Variants in SPTAN1 observed in about 807,000 individuals in gnomAD.
The protein encoded by SPTAN1 is spectrin alpha, non-erythrocytic 1.
A neutral mutation model predicts 331.3 loss-of-function variants in SPTAN1; 61 were observed. The ratio of observed to expected loss-of-function variants is 0.18; its 90% CI spans 0.15 to 0.23. SPTAN1 has a LOEUF of 0.23. Among genes scored for constraint, SPTAN1 ranks in the 10% least tolerant of loss-of-function variants. SPTAN1 has a pLI of 1.00. For synonymous variants in SPTAN1, 1,153 were observed against 1,173.9 expected, an observed-to-expected ratio of 0.98 and a Z score of 0.36; for missense variants, 2,043 against 3,147.9, an observed-to-expected ratio of 0.65 and a Z score of 8.40.
intron 3 of SPTAN1, among the ~76,000 whole-genome samples, chr9:128,569,478 G>A (rs1324050779): frequency 6.6e-6 from 1 of 151,460 alleles, no homozygotes; most frequent in Non-Finnish European, 1.5e-5. Flanking sequence ...TTGGAGCTGA[G>A]GTAGTAATTG....
At position 128,627,772 on chromosome 9, in the gene SPTAN1, C is replaced by CTTGGTGACAGACGATGCAGGGT. The variant is rs1858991280; in HGVS notation, c.6690-152_6690-131dup. ...GGCGCGTGGTCAGCCCCAGCCATGA[C>CTTGGTGACAGACGATGCAGGGT]TTGGTGACAGACGATGCAGGGTCTG... On this transcript the variant is annotated intron_variant, in intron 50 of 56. Coordinates refer to ENST00000372739, the MANE Select transcript of SPTAN1 (RefSeq NM_001130438.3). This position sits in a 1 kb window ranked among gnomAD's most constrained non-coding sequence, Gnocchi z 4.9. 1.1e-5 allele frequency: 11 copies of CTTGGTGACAGACGATGCAGGGT among 1,039,518 alleles called. No individual in the cohort carries two copies. The South Asian group carries it at 1.4e-4, about 13-fold the overall frequency. 64.4% of individuals were successfully genotyped at this position (1,039,518 alleles called of 1,614,324 possible). A position where few individuals can be genotyped will look rare whatever the true frequency, so the allele number is the denominator to read the frequency against.
At chr9:128,613,313 C>A in intron 39 of SPTAN1, 68 bp from the exon 40 acceptor site, 1 of 1,376,432 alleles carries the variant, frequency 7.3e-7, no homozygotes, top group South Asian at 1.2e-5. Flanking sequence ...CACTGGGCAA[C>A]CTGAATTTTC....
At chr9:128,624,182 A>G in intron 45 of SPTAN1, 146 bp from the exon 46 acceptor site, 1 of 845,322 alleles carries the variant, frequency 1.2e-6, no homozygotes, top group Non-Finnish European at 1.9e-6. Flanking sequence ...CTCTTACAAA[A>G]GCCTTACCCT....
chr9:128,607,981 G>C lies in SPTAN1; in HGVS notation c.4276G>C (p.Glu1426Gln), dbSNP rs1796996192. ...GCAGAAACTTGATATTCTTGACCAG[G>C]AGCGTGCAGACCTGGAGAAGGCCTG... ...IKQKLDILDQ[E>Q]RADLEKAWVQ... Residue 1426 changes from glutamate to glutamine, a missense_variant, in exon 33 of 57, where the codon GAG (glutamate) becomes CAG (glutamine). Transcript: ENST00000372739. 3 of 1,614,000 alleles carry C rather than the reference G, an allele frequency of 1.9e-6. No individual in the cohort carries two copies. The highest frequency in any genetic ancestry group is 1.6e-4 in the Middle Eastern group (1 of 6,072).
chr9:128,583,936 T>G lies in SPTAN1; in HGVS notation c.2160T>G (p.His720Gln). ...ATGTGCAGAACCTCCAGAAGAAACA[T>G]GCACTGCTAGAGGCAGATGTGGCTG... The part of the protein sequence containing the change: ...LTNVQNLQKK[H>Q]ALLEADVAAH... The change falls in exon 16 of 57, where the codon CAT becomes CAG. Residue 720 changes from histidine (H) to glutamine (Q), a missense_variant. By Grantham distance (24) the His-to-Gln change is conservative. Coordinates refer to ENST00000372739, the MANE Select transcript of SPTAN1 (RefSeq NM_001130438.3). The G allele has an allele frequency of 6.2e-7, 1 of 1,614,150 alleles. No homozygotes were observed. Among genetic ancestry groups the G allele is most frequent in the Non-Finnish European group, 8.5e-7 (1 of 1,180,018 alleles).
intron 19 of SPTAN1, 25 bp from the exon 20 acceptor site, chr9:128,587,581 G>A: frequency 6.2e-7 from 1 of 1,608,342 alleles, no homozygotes; most frequent in South Asian, 1.1e-5. Context: ...CCTGCACAGT[G>A]CTCCATGTGT....
chr9:128,581,789 T>C lies in SPTAN1; in HGVS notation c.1469T>C (p.Leu490Pro), dbSNP rs1408740735. Residue 490 changes from leucine to proline, a missense_variant, in exon 12 of 57, where the codon CTG becomes CCG. By Grantham distance (98) the Leu-to-Pro change is moderately conservative. Transcript: ENST00000372739. ...DNWMSKQEAF[L>P]LNEDLGDSLD... ...TTTGTTTCCTTTGGCAAGGCGTTCC[T>C]GTTGAATGAAGACTTGGGAGATTCC... The C allele has an allele frequency of 1.9e-6, 3 of 1,613,640 alleles. No homozygotes were observed. Among genetic ancestry groups the C allele is most frequent in the Non-Finnish European group, 2.5e-6 (3 of 1,179,522 alleles).
chr9:128,609,129 C>T lies in SPTAN1; in HGVS notation c.4603C>T (p.Arg1535Cys), dbSNP rs780733897. 12 of 1,614,050 alleles carry T rather than the reference C, an allele frequency of 7.4e-6. No homozygotes were observed. The highest frequency in any genetic ancestry group is 2.2e-5 in the South Asian group (2 of 91,086). Residue 1535 changes from arginine to cysteine, a missense_variant, in exon 36 of 57, where the codon CGT becomes TGT. Physicochemically the swap from Arg to Cys is radical, Grantham distance 180. This residue lies in a region of SPTAN1 where 323 missense variants were observed against 581.1 expected (regional missense o/e 0.56). Transcript: ENST00000372739. The part of the protein sequence containing the change: ...RRNEVLDRWR[R>C]LKAQMIEKRS... ...ATGGTTTCACTCTTTCAGGTGGCGA[C>T]GTCTGAAAGCCCAGATGATTGAGAA... is the stretch of plus-strand genomic sequence containing the variant.
At chr9:128,621,354 C>A in intron 45 of SPTAN1, 98 bp downstream of exon 45, 1 of 1,037,550 alleles carries the variant, frequency 9.6e-7, no homozygotes, top group Non-Finnish European at 1.5e-6. Flanking sequence ...GGGATGTTCA[C>A]CAAACCAAGG....
intron 52 of SPTAN1, chr9:128,630,622 C>CA: frequency 2.9e-6 from 1 of 346,034 alleles, no homozygotes; most frequent in Non-Finnish European, 4.9e-6. Context: ...CTCCACCTCC[C>CA]AGGTCAAGCA....
chr9:128,625,826 G>T lies in SPTAN1; in HGVS notation c.6127G>T (p.Ala2043Ser). 1 of 1,614,194 alleles carries T rather than the reference G, an allele frequency of 6.2e-7. No homozygotes were observed. The highest frequency in any genetic ancestry group is 8.5e-7 in the Non-Finnish European group (1 of 1,180,034). Residue 2043 changes from alanine to serine, a missense_variant, in exon 48 of 57, where the codon GCC becomes TCC. Physicochemically the swap from Ala to Ser is moderately conservative, Grantham distance 99. Transcript: ENST00000372739. This position sits in a 1 kb window ranked among gnomAD's most constrained non-coding sequence, Gnocchi z 4.1. ...FQQEGIANIT[A>S]LKDQLLAAKH... The stretch of plus-strand genomic sequence containing the variant: ...GCAGGAAGGCATTGCCAACATCACT[G>T]CCCTCAAAGATCAGCTTCTCGCCGC...
chr9:128,624,561 C>A (rs1858445472), intron 46 of SPTAN1, 74 bp downstream of exon 46: 3 of 1,560,184 alleles, frequency 1.9e-6, no homozygotes, highest in Non-Finnish European at 2.6e-6. Flanking sequence ...CATTGGTTTT[C>A]TTCTGCAGAG....
Position 128,594,167 on chromosome 9 carries a change from TC to T in SPTAN1, c.3216-6del, listed in dbSNP as rs1474403020. On this transcript the variant is annotated splice_region_variant and splice_polypyrimidine_tract_variant and intron_variant, in intron 23 of 56. Transcript: ENST00000372739. The stretch of plus-strand genomic sequence containing the variant: ...TGTCCCTCTTGTCACCCTCTTGAAT[TC>T]CATCAGATATCATTCTCTGCTGGAA... 1 of 1,614,134 alleles carries T rather than the reference TC, an allele frequency of 6.2e-7. No individual in the cohort carries two copies. The highest frequency in any genetic ancestry group is 2.2e-5 in the East Asian group (1 of 44,886).
intron 41 of SPTAN1, among the ~76,000 whole-genome samples, chr9:128,616,866 A>G (rs1013790579): frequency 2.0e-5 from 3 of 152,184 alleles, no homozygotes; most frequent in Non-Finnish European, 4.4e-5. Flanking sequence ...TGGGAAGTGG[A>G]GATTTCAGTG....
At chr9:128,567,757 A>C (rs1850205461) in intron 2 of SPTAN1, among the ~76,000 whole-genome samples, 2 of 151,884 alleles carry the variant, frequency 1.3e-5, no homozygotes, top group African/African-American at 2.4e-5. Context: ...TAAATTATAT[A>C]TTTAAAACTT....
At chr9:128,561,257 C>T (rs866884141) in intron 1 of SPTAN1, among the ~76,000 whole-genome samples, 3 of 151,524 alleles carry the variant, frequency 2.0e-5, no homozygotes, top group African/African-American at 7.3e-5. Flanking sequence ...ATTGTAGTCC[C>T]AGCTACTCGG....
In SPTAN1 at chr9:128,632,798, C is replaced by G; in HGVS notation, c.7161-10C>G. ...CTCCCTGCTCAGGCTCTTGCTTCCC[C>G]CGCTCCTAGAGATGGCCATGTCTCC... On this transcript the variant is annotated splice_polypyrimidine_tract_variant and intron_variant, in intron 55 of 56. Transcript: ENST00000372739. 6.2e-7 allele frequency: 1 copy of G among 1,614,100 alleles called. No individual in the cohort carries two copies. The highest frequency in any genetic ancestry group is 1.7e-5 in the Admixed American group (1 of 60,024).
chr9:128,612,917 T>C (rs1856730409), intron 39 of SPTAN1, among the ~76,000 whole-genome samples: 1 of 151,956 alleles, frequency 6.6e-6, no homozygotes, highest in African/African-American at 2.4e-5. Flanking sequence ...AGAGCGAGAC[T>C]TCATCTCAAA....
intron 49 of SPTAN1, 31 bp downstream of exon 49, chr9:128,626,718 C>A: frequency 1.3e-6 from 2 of 1,575,548 alleles, no homozygotes; most frequent in South Asian, 1.1e-5. Context: ...AGGAGCTGCT[C>A]GGCCTCCCAG....
Sources: gnomAD v4.1 joint callset for allele counts (sites outside exome capture counted in the v4.1 genomes callset) on GRCh38, gnomAD v4.1.1 for gene constraint, gnomAD v4.1.1 regional missense constraint, Gnocchi (gnomAD v3.1) non-coding constraint, MANE v1.5 for transcripts, NCBI Gene and HGNC (gene_info 2026-07-23, HGNC 2026-07-21) for gene names.